LIPA: variants seen among roughly 807,000 people sequenced by gnomAD.
LIPA encodes the protein lysosomal acid lipase/cholesteryl ester hydrolase.
In LIPA, 26 loss-of-function variants were observed where a neutral mutation model predicts 40.6. That is an observed-to-expected ratio of 0.64 (90% CI 0.47 to 0.89). The LOEUF is 0.89. Among genes scored for constraint, LIPA ranks in the 40% least tolerant of loss-of-function variants. The pLI is 0.00. For synonymous variants in LIPA, 188 were observed against 168.4 expected, an observed-to-expected ratio of 1.12 and a Z score of -0.90; for missense variants, 455 against 479.6, an observed-to-expected ratio of 0.95 and a Z score of 0.48.
At chr10:89,378,039 C>A in intron 2 of LIPA, 2 of 1,333,504 alleles carry the variant, frequency 1.5e-6, no homozygotes, top group Admixed American at 1.8e-5. Flanking sequence ...AAGCACCATG[C>A]TTATCTGAGA....
At chr10:89,271,789 C>T in intron 1 of LIPA, among the ~76,000 whole-genome samples, 1 of 152,034 alleles carries the variant, frequency 6.6e-6, no homozygotes, top group East Asian at 1.9e-4. Context: ...AGGCTGGGCT[C>T]AGTGGCTTAC....
intron 1 of LIPA, among the ~76,000 whole-genome samples, chr10:89,275,326 G>A (rs1843284269): frequency 6.6e-6 from 1 of 152,126 alleles, no homozygotes; most frequent in Non-Finnish European, 1.5e-5. Context: ...CTGAATCCTG[G>A]GCCAGGTGTG....
At chr10:89,353,997 TC>T (rs1393016668) in intron 2 of LIPA, among the ~76,000 whole-genome samples, 6 of 152,084 alleles carry the variant, frequency 3.9e-5, no homozygotes, top group African/African-American at 1.4e-4. Flanking sequence ...TTATTCCTGC[TC>T]TAAAACTTTT....
intron 1 of LIPA, among the ~76,000 whole-genome samples, chr10:89,274,613 T>C (rs1485774463): frequency 6.6e-6 from 1 of 152,222 alleles, no homozygotes; most frequent in African/African-American, 2.4e-5. Context: ...TGTCCCTTAG[T>C]ATCCTGGGCT....
At chr10:89,229,743 A>G (rs1842817325) in intron 3 of LIPA, among the ~76,000 whole-genome samples, 1 of 131,302 alleles carries the variant, frequency 7.6e-6, no homozygotes, top group Non-Finnish European at 1.6e-5. Flanking sequence ...ACAGAGGGAG[A>G]CTCAGTCTCA....
chr10:89,229,582 C>A (rs528428087), intron 3 of LIPA, among the ~76,000 whole-genome samples: 1 of 152,228 alleles, frequency 6.6e-6, no homozygotes, highest in African/African-American at 2.4e-5. Context: ...GAAACCCTGT[C>A]TCTACTAAAA....
intron 1 of LIPA, among the ~76,000 whole-genome samples, chr10:89,311,339 A>G (rs1045438008): frequency 1.3e-5 from 2 of 152,082 alleles, no homozygotes; most frequent in Non-Finnish European, 2.9e-5. Context: ...CCTGATCAAT[A>G]TGGTGAAACC....
chr10:89,273,822 T>C (rs1190154393), intron 1 of LIPA, among the ~76,000 whole-genome samples: 2 of 152,222 alleles, frequency 1.3e-5, no homozygotes, highest in Non-Finnish European at 2.9e-5. Context: ...GAAGAATTCA[T>C]AGGGCCAGAG....
Position 89,223,752 on chromosome 10 carries a change from T to C in LIPA, c.754A>G (p.Ile252Val). 2.5e-6 allele frequency: 4 copies of C among 1,613,748 alleles called. No individual in the cohort carries two copies. Among genetic ancestry groups the C allele is most frequent in the East Asian group, 2.2e-5 (1 of 44,892 alleles). Residue 252 changes from isoleucine (I) to valine (V), a missense_variant, in exon 7 of 10, where the codon ATA (isoleucine) becomes GTA (valine). Ile to Val is a conservative substitution (Grantham distance 29). Transcript: ENST00000336233. ...WLGTHVCTHV[I>V]LKELCGNLCF... Reference sequence around the variant, plus strand: ...AGATTTCCACAGAGCTCCTTCAGTATGACATGAGTGCAAACGTGGGTACCC... The same window carrying C: ...AGATTTCCACAGAGCTCCTTCAGTACGACATGAGTGCAAACGTGGGTACCC...
rs932546282 is a variant in LIPA, at chr10:89,286,921, G to T, written c.-1-39272C>A. Among the ~76,000 whole-genome samples the T allele has an allele frequency of 3.3e-5, 5 of 152,004 alleles. No individual in the cohort carries two copies. In the South Asian group the frequency reaches 1.0e-3, roughly 32 times the overall value. ...ACAAGAACTTCAAAATGCCTAAGCC[G>T]CAGCAGTCAAGCATTCCTAGAGGAC... On this transcript the variant is annotated intron_variant, in intron 1 of 5. Transcript: ENST00000282673.
intron 1 of LIPA, among the ~76,000 whole-genome samples, chr10:89,331,688 G>A (rs187437044): frequency 4.0e-5 from 6 of 151,806 alleles, no homozygotes; most frequent in East Asian, 1.9e-4. Flanking sequence ...GTGAGACCCC[G>A]TCTGTACTAA....
intron 1 of LIPA, among the ~76,000 whole-genome samples, chr10:89,277,604 G>A (rs1256471232): frequency 6.6e-6 from 1 of 152,180 alleles, no homozygotes; most frequent in Non-Finnish European, 1.5e-5. Context: ...GACAAAGTAT[G>A]TTTTCTGAGT....
Position 89,218,902 on chromosome 10 carries a change from T to C in LIPA, c.895-2893A>G, listed in dbSNP as rs369369848. Reference sequence around the variant, plus strand: ...CTTAACTTGTATCTAACAAATATAATGGCATTTCTTTAAATGAAAATTTAC... The same window carrying C: ...CTTAACTTGTATCTAACAAATATAACGGCATTTCTTTAAATGAAAATTTAC... On this transcript the variant is annotated intron_variant, in intron 8 of 9. Transcript: ENST00000336233. Among the ~76,000 whole-genome samples, 32 of 152,348 alleles carry C rather than the reference T, an allele frequency of 2.1e-4. No homozygotes were observed. In the South Asian group the frequency reaches 2.3e-3, roughly 11 times the overall value.
intron 2 of LIPA, chr10:89,384,249 G>A: frequency 6.2e-7 from 1 of 1,614,194 alleles, no homozygotes; most frequent in Middle Eastern, 1.6e-4. Flanking sequence ...AGCCTAGAGG[G>A]CAAGATAGGG....
chr10:89,363,301 G>C (rs560848916), intron 2 of LIPA: 1 of 152,432 alleles, frequency 6.6e-6, no homozygotes, highest in Admixed American at 6.5e-5. Flanking sequence ...CATTTGCAAT[G>C]GTTTATGTGG....
intron 1 of LIPA, chr10:89,293,685 A>AGG (rs1447963183): frequency 7.0e-6 from 1 of 142,346 alleles, no homozygotes; most frequent in East Asian, 2.0e-4. Context: ...GAGATGAGAG[A>AGG]GAGAGAGAGA....
intron 1 of LIPA, among the ~76,000 whole-genome samples, chr10:89,266,658 T>A (rs1378160686): frequency 6.6e-6 from 1 of 152,224 alleles, no homozygotes. Context: ...TTATCTTGAG[T>A]GGAAAATAAG....
intron 1 of LIPA, among the ~76,000 whole-genome samples, chr10:89,259,431 G>A (rs1349681052): frequency 6.6e-6 from 1 of 152,206 alleles, no homozygotes; most frequent in African/African-American, 2.4e-5. Flanking sequence ...GTGTTGGCAA[G>A]GATGTGAAGC....
chr10:89,338,857 G>A lies in LIPA; in HGVS notation c.-2+3754C>T, dbSNP rs768572371. ...CATAAAACACCTAGATGGTAACAAC[G>A]AGGCAGCCCTGGAATGCTTACGGCA... is the stretch of plus-strand genomic sequence containing the variant. On this transcript the variant is annotated intron_variant, in intron 1 of 5. Transcript: ENST00000282673. 19 of 1,613,978 alleles carry A rather than the reference G, an allele frequency of 1.2e-5. No homozygotes were observed. Among genetic ancestry groups the A allele is most frequent in the Middle Eastern group, 1.6e-4 (1 of 6,084 alleles).
Sources: allele counts gnomAD v4.1 joint callset (sites outside exome capture counted in the v4.1 genomes callset), GRCh38; gene constraint gnomAD v4.1.1; transcripts MANE v1.5; gene names NCBI Gene and HGNC (gene_info 2026-07-23, HGNC 2026-07-21).